EIF4E: variants seen among roughly 807,000 people sequenced by gnomAD.
EIF4E encodes eukaryotic translation initiation factor 4E.
For missense variants in EIF4E, 113 were observed against 265.6 expected, an observed-to-expected ratio of 0.43 and a Z score of 3.99; for synonymous variants, 71 against 88.5, an observed-to-expected ratio of 0.80 and a Z score of 1.11.
At position 98,922,270 on chromosome 4, in the gene EIF4E, T is replaced by C. The variant is rs1004491725; in HGVS notation, c.18+6825A>G. 3.3e-5 allele frequency among the ~76,000 whole-genome samples: 5 copies of C among 152,270 alleles called. No homozygotes were observed. The East Asian group carries it at 9.6e-4, about 29-fold the overall frequency. On this transcript the variant is annotated intron_variant, in intron 1 of 6. Coordinates refer to ENST00000450253, the MANE Select transcript of EIF4E (RefSeq NM_001968.5). ...TTCATCTGTACTGTTAAGAATTAAA[T>C]GAGTTAGCCTGGCGCGGTGGCTCAC...
At chr4:98,926,634 A>C (rs1725879762) in intron 1 of EIF4E, 1 of 152,152 alleles carries the variant, frequency 6.6e-6, no homozygotes, top group Non-Finnish European at 1.5e-5. Flanking sequence ...AGCTTCACAC[A>C]CTTTGTTTTT....
chr4:98,896,802 T>TC lies in EIF4E; in HGVS notation c.125+5073dup, dbSNP rs1724430034. 6.8e-5 allele frequency among the ~76,000 whole-genome samples: 10 copies of TC among 148,002 alleles called. No individual in the cohort carries two copies. The South Asian group carries it at 2.3e-3, about 34-fold the overall frequency. The stretch of plus-strand genomic sequence containing the variant: ...AGGCCAGCCTGGGAAATAGCAAAAC[T>TC]CCAACTCTACAAAAAATACTAAAAT... On this transcript the variant is annotated intron_variant, in intron 2 of 6. Coordinates refer to ENST00000450253, the MANE Select transcript of EIF4E (RefSeq NM_001968.5).
chr4:98,918,407 C>T (rs1490847079), intron 1 of EIF4E, among the ~76,000 whole-genome samples: 4 of 146,504 alleles, frequency 2.7e-5, no homozygotes, highest in African/African-American at 5.0e-5. Flanking sequence ...TAAAAGAAAA[C>T]GTACATACCT....
intron 1 of EIF4E, among the ~76,000 whole-genome samples, chr4:98,917,688 G>A (rs1414365899): frequency 6.6e-6 from 1 of 152,126 alleles, no homozygotes; most frequent in Non-Finnish European, 1.5e-5. Flanking sequence ...TGGAGGAGGG[G>A]CCAAAGATAC....
At chr4:98,901,497 C>T (rs1679595656) in intron 2 of EIF4E, among the ~76,000 whole-genome samples, 1 of 151,816 alleles carries the variant, frequency 6.6e-6, no homozygotes, top group African/African-American at 2.4e-5. Context: ...AGGCGTGAGC[C>T]ACCGCGTTGG....
chr4:98,884,843 T>C, intron 6 of EIF4E, 79 bp downstream of exon 6: 1 of 1,565,646 alleles, frequency 6.4e-7, no homozygotes, highest in South Asian at 1.1e-5. Context: ...CTGAAGTATT[T>C]CTAAAGCTAC....
intron 1 of EIF4E, among the ~76,000 whole-genome samples, chr4:98,926,847 T>C (rs189198044): frequency 3.3e-5 from 5 of 152,338 alleles, no homozygotes; most frequent in Non-Finnish European, 5.9e-5. Context: ...TATTAATATT[T>C]ACTAACTCAA....
intron 2 of EIF4E, among the ~76,000 whole-genome samples, chr4:98,900,070 C>T (rs184330139): frequency 1.7e-3 from 257 of 150,862 alleles, no homozygotes; most frequent in African/African-American, 5.9e-3. Flanking sequence ...GGGATATATG[C>T]CTTGTTTACT....
intron 2 of EIF4E, among the ~76,000 whole-genome samples, chr4:98,894,735 TGGA>T (rs1392331282): frequency 3.3e-5 from 5 of 152,250 alleles, no homozygotes; most frequent in Admixed American, 6.5e-5. Context: ...ATGTGTTTGC[TGGA>T]GGAGGACTTT....
chr4:98,915,635 G>A (rs536809176), intron 1 of EIF4E, among the ~76,000 whole-genome samples: 1 of 151,264 alleles, frequency 6.6e-6, no homozygotes, highest in Admixed American at 6.6e-5. Context: ...CCACTTCCCA[G>A]GTTCAAGCAA....
In EIF4E at chr4:98,918,003, G is replaced by A. The variant is rs546039634; in HGVS notation, c.18+11092C>T. Among the ~76,000 whole-genome samples the A allele has an allele frequency of 1.4e-4, 21 of 152,228 alleles. 1 individual carries two copies. Among genetic ancestry groups the A allele is most frequent in the Admixed American group, 9.8e-4 (15 of 15,282 alleles). On this transcript the variant is annotated intron_variant, in intron 1 of 6. Transcript: ENST00000450253. ...AGGCAGGATGATCGCTTGAACGTGG[G>A]AGGCGGAGGTTGCAGTGAGCAGAGA...
intron 2 of EIF4E, among the ~76,000 whole-genome samples, chr4:98,893,055 G>C (rs1237122232): frequency 6.6e-6 from 1 of 152,098 alleles, no homozygotes; most frequent in Non-Finnish European, 1.5e-5. Flanking sequence ...TCTTTAAGGA[G>C]AGTCACACAA....
chr4:98,910,854 C>T (rs764911786), intron 1 of EIF4E, among the ~76,000 whole-genome samples: 2 of 149,958 alleles, frequency 1.3e-5, no homozygotes, highest in Non-Finnish European at 3.0e-5. Context: ...CTCAGCTTCA[C>T]GAGTAGCTGG....
At position 98,881,131 on chromosome 4, in the gene EIF4E, T is replaced by C; in HGVS notation, c.551A>G (p.Lys184Arg). Reference sequence around the variant, plus strand: ...CTTTGGAGGAAGTCCTAACCTTTCCTTGTATACCCTCCTAGAAGAAAAAAA... The same window carrying C: ...CTTTGGAGGAAGTCCTAACCTTTCCCTGTATACCCTCCTAGAAGAAAAAAA... Reference protein sequence around the residue: ...EAVTHIGRVYKERLGLPPKIV... With the variant: ...EAVTHIGRVYRERLGLPPKIV... Residue 184 changes from lysine (K) to arginine (R), a missense_variant, in exon 7 of 7, where the codon AAG becomes AGG. By Grantham distance (26) the Lys-to-Arg change is conservative. Coordinates refer to ENST00000450253, the MANE Select transcript of EIF4E (RefSeq NM_001968.5). 6.2e-7 allele frequency: 1 copy of C among 1,612,478 alleles called. No homozygotes were observed. The highest frequency in any genetic ancestry group is 8.5e-7 in the Non-Finnish European group (1 of 1,179,416).
Position 98,906,888 on chromosome 4 carries a change from T to C in EIF4E, c.19-4906A>G, listed in dbSNP as rs114068839. On this transcript the variant is annotated intron_variant, in intron 1 of 6. Coordinates refer to ENST00000450253, the MANE Select transcript of EIF4E (RefSeq NM_001968.5). ...AGTAACTTCCGTGGCCTCAGTTTCC[T>C]CATCTTAAAATGGGCATTGTGACAT... Among the ~76,000 whole-genome samples, 374 of 152,268 alleles carry C rather than the reference T, an allele frequency of 2.5e-3. 2 individuals carry two copies. Among genetic ancestry groups the C allele is most frequent in the African/African-American group, 7.4e-3 (308 of 41,542 alleles).
intron 1 of EIF4E, chr4:98,926,008 G>A (rs1046655745): frequency 2.6e-5 from 4 of 151,220 alleles, no homozygotes; most frequent in Non-Finnish European, 4.4e-5. Flanking sequence ...TCTACAAAAA[G>A]TTTAAAAATT....
chr4:98,882,307 G>A lies in EIF4E; in HGVS notation c.540-1165C>T, dbSNP rs1723731787. ...CTCGGGAGGCTGAGGCAGGAGAATGGCGTGAACCTGGGAGGCAGAGCTTGC... is the reference window on the plus strand; with the variant it reads ...CTCGGGAGGCTGAGGCAGGAGAATGACGTGAACCTGGGAGGCAGAGCTTGC... On this transcript the variant is annotated intron_variant, in intron 6 of 6. Coordinates refer to ENST00000450253, the MANE Select transcript of EIF4E (RefSeq NM_001968.5). Among the ~76,000 whole-genome samples, 3 of 151,452 alleles carry A rather than the reference G, an allele frequency of 2.0e-5. No individual in the cohort carries two copies. The South Asian group carries it at 6.2e-4, about 32-fold the overall frequency.
At chr4:98,883,739 C>CTTAG (rs112150317) in intron 6 of EIF4E, among the ~76,000 whole-genome samples, 10,174 of 151,588 alleles carry the variant, frequency 0.067, 1,100 homozygotes, top group African/African-American at 0.23. Flanking sequence ...AAAAAGAAAT[C>CTTAG]TTAGAAAAAA....
chr4:98,897,771 G>T (rs901895491), intron 2 of EIF4E, among the ~76,000 whole-genome samples: 2 of 152,128 alleles, frequency 1.3e-5, no homozygotes, highest in Non-Finnish European at 2.9e-5. Flanking sequence ...ATTTTAGAAA[G>T]ATTTCATCTG....
Sources: allele counts gnomAD v4.1 joint callset (sites outside exome capture counted in the v4.1 genomes callset), GRCh38; gene constraint gnomAD v4.1.1; transcripts MANE v1.5; gene names NCBI Gene and HGNC (gene_info 2026-07-23, HGNC 2026-07-21).